PPM1L: variants seen among roughly 807,000 people sequenced by gnomAD.
PPM1L encodes protein phosphatase, Mg2+/Mn2+ dependent 1L, also known as protein phosphatase 1L.
A neutral mutation model predicts 31.4 loss-of-function variants in PPM1L; 13 were observed. The ratio of observed to expected loss-of-function variants is 0.41; its 90% CI spans 0.27 to 0.66. The LOEUF (loss-of-function observed/expected upper bound fraction) is 0.66, where lower values mean the gene tolerates loss of function less well. PPM1L is among the 30% of genes least tolerant of loss of function. PPM1L has a pLI of 0.29. For synonymous variants in PPM1L, 184 were observed against 175.4 expected, an observed-to-expected ratio of 1.05 and a Z score of -0.39; for missense variants, 326 against 453.7, an observed-to-expected ratio of 0.72 and a Z score of 2.56.
At chr3:161,031,804 T>A (rs16831796) in intron 2 of PPM1L, among the ~76,000 whole-genome samples, 57,154 of 151,836 alleles carry the variant, frequency 0.38, 11,526 homozygotes, top group East Asian at 0.64. Flanking sequence ...ACCAGACGAT[T>A]CTCTATACCT....
At position 161,071,386 on chromosome 3, in the gene PPM1L, G is replaced by A. The variant is rs1396967396; in HGVS notation, c.*2229G>A. On this transcript the variant is annotated 3_prime_UTR_variant, in exon 4 of 4. Transcript: ENST00000498165. ...ATGAAAGCAACAGTGTTTTGATAAA[G>A]ATGAAAAAGAAAAGCTACTAAATTA... The A allele has an allele frequency of 6.6e-6, 1 of 152,182 alleles. No homozygotes were observed. Among genetic ancestry groups the A allele is most frequent in the African/African-American group, 2.4e-5 (1 of 41,434 alleles). The allele number at this position is 152,182 out of a possible 1,614,324, so 9.4% of individuals were successfully genotyped here.
rs551082139 is a variant in PPM1L at position 160,943,165 on chromosome 3, C to G, written c.400-18571C>G. ...ATGGAGGAGAACCAAGAGCTTCTCA[C>G]AGCGATCAGGGTAATGTGCTGTGGA... On this transcript the variant is annotated intron_variant, in intron 1 of 3. Coordinates refer to ENST00000498165, the MANE Select transcript of PPM1L (RefSeq NM_139245.4). 5.9e-5 allele frequency among the ~76,000 whole-genome samples: 9 copies of G among 152,262 alleles called. No individual in the cohort carries two copies. The East Asian group carries it at 1.7e-3, about 29-fold the overall frequency.
intron 2 of PPM1L, among the ~76,000 whole-genome samples, chr3:161,010,446 C>A (rs1717855398): frequency 6.6e-6 from 1 of 152,086 alleles, no homozygotes; most frequent in Non-Finnish European, 1.5e-5. Context: ...GGGTTGGTTC[C>A]AAGTCTTTGC....
intron 1 of PPM1L, among the ~76,000 whole-genome samples, chr3:160,891,922 C>T (rs900438223): frequency 6.6e-6 from 1 of 152,110 alleles, no homozygotes; most frequent in Non-Finnish European, 1.5e-5. Context: ...CACATGTTCT[C>T]ACTCATAACT....
At chr3:160,780,664 T>C (rs935013101) in intron 1 of PPM1L, among the ~76,000 whole-genome samples, 1 of 152,188 alleles carries the variant, frequency 6.6e-6, no homozygotes, top group Non-Finnish European at 1.5e-5. Flanking sequence ...GAACTCTATA[T>C]TCGTCCTCAG....
At chr3:160,764,876 A>T (rs1715067035) in intron 1 of PPM1L, among the ~76,000 whole-genome samples, 1 of 152,102 alleles carries the variant, frequency 6.6e-6, no homozygotes, top group African/African-American at 2.4e-5. Context: ...ATTTGTATAC[A>T]CTTAGGCTCC....
intron 1 of PPM1L, among the ~76,000 whole-genome samples, chr3:160,918,435 T>C (rs973007051): frequency 6.6e-6 from 1 of 152,254 alleles, no homozygotes; most frequent in Admixed American, 6.5e-5. Flanking sequence ...TGCGCTCTAA[T>C]CTGTTTGGAA....
chr3:161,044,862 A>G (rs1719011864), intron 2 of PPM1L, among the ~76,000 whole-genome samples: 1 of 152,194 alleles, frequency 6.6e-6, no homozygotes, highest in Non-Finnish European at 1.5e-5. Flanking sequence ...TCAGTGTGCT[A>G]TATTCAGCAG....
rs1156837076 is a variant in PPM1L, at chr3:160,944,827, A to ATG, written c.400-16908_400-16907insGT. Among the ~76,000 whole-genome samples the ATG allele has an allele frequency of 1.8e-4, 12 of 67,898 alleles. 3 individuals are homozygous for ATG. The highest frequency in any genetic ancestry group is 3.6e-4 in the Non-Finnish European group (11 of 30,518). The allele number at this position is 67,898 out of a possible 152,430, so 44.5% of individuals were successfully genotyped here. On this transcript the variant is annotated intron_variant, in intron 1 of 3. Transcript: ENST00000498165. ...CATATATAACATATATATGTTATAT[A>ATG]TAACATATATATGTTATATATAACA...
At chr3:160,856,906 A>G (rs1711726637) in intron 1 of PPM1L, among the ~76,000 whole-genome samples, 1 of 151,426 alleles carries the variant, frequency 6.6e-6, no homozygotes, top group African/African-American at 2.4e-5. Context: ...ATGGCAGTGG[A>G]TTTATTCAGT....
intron 1 of PPM1L, among the ~76,000 whole-genome samples, chr3:160,901,705 A>C (rs1019907822): frequency 1.3e-5 from 2 of 152,054 alleles, no homozygotes; most frequent in Non-Finnish European, 2.9e-5. Flanking sequence ...ATACTTGTTG[A>C]TGTCTGTGGG....
At chr3:160,838,138 C>G (rs1713773798) in intron 1 of PPM1L, among the ~76,000 whole-genome samples, 1 of 152,122 alleles carries the variant, frequency 6.6e-6, no homozygotes, top group Non-Finnish European at 1.5e-5. Context: ...ACATTGGACT[C>G]CAGGATTCTT....
At chr3:160,883,782 A>G (rs1388714668) in intron 1 of PPM1L, among the ~76,000 whole-genome samples, 1 of 147,774 alleles carries the variant, frequency 6.8e-6, no homozygotes, top group Non-Finnish European at 1.5e-5. Context: ...GACTAGTTAT[A>G]TGATCTTAGA....
At chr3:160,968,458 G>A (rs559274800) in intron 2 of PPM1L, among the ~76,000 whole-genome samples, 1 of 152,258 alleles carries the variant, frequency 6.6e-6, no homozygotes, top group East Asian at 1.9e-4. Flanking sequence ...TTTATTATGT[G>A]TCATAGTGGG....
intron 1 of PPM1L, among the ~76,000 whole-genome samples, chr3:160,926,702 C>G (rs951797316): frequency 2.0e-5 from 3 of 152,156 alleles, no homozygotes; most frequent in African/African-American, 7.2e-5. Flanking sequence ...TTTCTGGGCT[C>G]TGCTATGAAT....
chr3:161,062,258 C>T (rs1476818689), intron 2 of PPM1L, among the ~76,000 whole-genome samples: 3 of 152,160 alleles, frequency 2.0e-5, no homozygotes, highest in African/African-American at 7.2e-5. Context: ...CTTCTCCCCT[C>T]ATCCTTTATT....
intron 3 of PPM1L, among the ~76,000 whole-genome samples, chr3:161,066,712 C>T (rs1246894715): frequency 6.6e-6 from 1 of 152,184 alleles, no homozygotes; most frequent in Non-Finnish European, 1.5e-5. Flanking sequence ...AAGCGGGGTG[C>T]TCATGTACCC....
At chr3:160,969,258 G>A (rs1039745506) in intron 2 of PPM1L, among the ~76,000 whole-genome samples, 72 of 152,306 alleles carry the variant, frequency 4.7e-4, no homozygotes, top group Non-Finnish European at 7.2e-4. Context: ...TGGAAAAATA[G>A]CTTTTTAAAA....
At chr3:161,068,249 CA>C (rs1719799723) in intron 3 of PPM1L, among the ~76,000 whole-genome samples, 1 of 152,126 alleles carries the variant, frequency 6.6e-6, no homozygotes, top group Non-Finnish European at 1.5e-5. Flanking sequence ...GTTTCTCATC[CA>C]AAGTGAGACA....
Sources: allele counts gnomAD v4.1 joint callset (sites outside exome capture counted in the v4.1 genomes callset), GRCh38; gene constraint gnomAD v4.1.1; transcripts MANE v1.5; gene names NCBI Gene and HGNC (gene_info 2026-07-23, HGNC 2026-07-21).